Variants in UBE3C observed in about 807,000 individuals in gnomAD.
The protein encoded by UBE3C is ubiquitin protein ligase E3C.
A neutral mutation model predicts 129.4 loss-of-function variants in UBE3C; 42 were observed. The observed-to-expected ratio is 0.32, with a 90% CI of 0.25 to 0.42. The LOEUF is 0.42. Among genes scored for constraint, UBE3C ranks in the 10% least tolerant of loss-of-function variants. UBE3C has a pLI of 1.00. For missense variants in UBE3C, 1,049 were observed against 1,319.1 expected, an observed-to-expected ratio of 0.80 and a Z score of 3.17; for synonymous variants, 510 against 492.4, an observed-to-expected ratio of 1.04 and a Z score of -0.47.
intron 17 of UBE3C, among the ~76,000 whole-genome samples, chr7:157,230,694 C>CAAAAA (rs748639288): frequency 1.3e-4 from 5 of 38,838 alleles, no homozygotes; most frequent in African/African-American, 2.7e-4. Flanking sequence ...GACCCCGTCT[C>CAAAAA]AAAAAAAAAA....
At chr7:157,151,887 A>C (rs1252981273) in intron 1 of UBE3C, among the ~76,000 whole-genome samples, 4 of 152,112 alleles carry the variant, frequency 2.6e-5, no homozygotes, top group Non-Finnish European at 5.9e-5. Context: ...GGGGAGCATC[A>C]CAGTAAAGTG....
intron 21 of UBE3C, among the ~76,000 whole-genome samples, chr7:157,254,520 C>T (rs1336653571): frequency 6.6e-6 from 1 of 151,822 alleles, no homozygotes; most frequent in Non-Finnish European, 1.5e-5. Context: ...GCCTCAGCCT[C>T]CCGAATAGCT....
chr7:157,185,759 ATAG>A (rs1808787589), intron 9 of UBE3C, among the ~76,000 whole-genome samples: 1 of 152,290 alleles, frequency 6.6e-6, no homozygotes, highest in Non-Finnish European at 1.5e-5. Flanking sequence ...CACTACAAAA[ATAG>A]TAGTGCTAGG....
chr7:157,208,036 C>A (rs925183800), intron 13 of UBE3C, 101 bp downstream of exon 13: 5 of 153,356 alleles, frequency 3.3e-5, no homozygotes, highest in Non-Finnish European at 3.8e-5. Flanking sequence ...TTGTTTCAGA[C>A]ATGTTTTAAT....
At chr7:157,234,724 A>T (rs772560900) in intron 18 of UBE3C, among the ~76,000 whole-genome samples, 6 of 152,162 alleles carry the variant, frequency 3.9e-5, no homozygotes, top group Non-Finnish European at 8.8e-5. Flanking sequence ...CATCATCTTC[A>T]GGCTCACCGT....
chr7:157,196,890 A>T (rs1018573732), intron 10 of UBE3C, among the ~76,000 whole-genome samples: 1 of 152,136 alleles, frequency 6.6e-6, no homozygotes, highest in Non-Finnish European at 1.5e-5. Context: ...AATCTCTTGA[A>T]CCTGGGAGGT....
chr7:157,195,534 C>T (rs1809094605), intron 10 of UBE3C, among the ~76,000 whole-genome samples: 1 of 152,114 alleles, frequency 6.6e-6, no homozygotes, highest in South Asian at 2.1e-4. Flanking sequence ...CTGATGGCTC[C>T]TTTTTTCATC....
At chr7:157,239,159 T>A (rs1175222162) in intron 18 of UBE3C, among the ~76,000 whole-genome samples, 1 of 152,186 alleles carries the variant, frequency 6.6e-6, no homozygotes, top group Non-Finnish European at 1.5e-5. Context: ...TGTGAAAGAA[T>A]GTTTATGGTA....
intron 21 of UBE3C, among the ~76,000 whole-genome samples, chr7:157,255,052 T>C (rs1313422450): frequency 6.6e-6 from 1 of 151,984 alleles, no homozygotes; most frequent in Admixed American, 6.5e-5. Context: ...ACGGAGGTCG[T>C]GAGATCTCAG....
chr7:157,229,612 C>T (rs886126310), intron 17 of UBE3C, among the ~76,000 whole-genome samples: 5 of 149,506 alleles, frequency 3.3e-5, no homozygotes, highest in South Asian at 2.1e-4. Flanking sequence ...CCACTGCACC[C>T]GGCCTGTTTT....
chr7:157,248,843 C>T (rs1396499042), intron 19 of UBE3C, among the ~76,000 whole-genome samples: 1 of 152,154 alleles, frequency 6.6e-6, no homozygotes, highest in Non-Finnish European at 1.5e-5. Flanking sequence ...AGGCTGCGGC[C>T]CAGGCTTGCT....
intron 5 of UBE3C, among the ~76,000 whole-genome samples, chr7:157,177,437 G>T (rs1055220996): frequency 3.3e-5 from 5 of 152,214 alleles, no homozygotes; most frequent in Non-Finnish European, 7.3e-5. Flanking sequence ...ACGAGGCACC[G>T]TTCCAGCACT....
chr7:157,194,707 TG>T (rs1331881335), intron 10 of UBE3C, among the ~76,000 whole-genome samples: 1 of 152,170 alleles, frequency 6.6e-6, no homozygotes, highest in Non-Finnish European at 1.5e-5. Flanking sequence ...AATAGACTGT[TG>T]GTAGAAAATG....
Position 157,138,980 on chromosome 7 carries a change from C to A in UBE3C, c.-293C>A, listed in dbSNP as rs117506586. The A allele has an allele frequency of 1.3e-5, 2 of 152,400 alleles. No individual in the cohort carries two copies. The highest frequency in any genetic ancestry group is 2.9e-5 in the Non-Finnish European group (2 of 68,484). The allele number at this position is 152,400 out of a possible 1,614,324, so 9.4% of individuals were successfully genotyped here. Reference sequence around the variant, plus strand: ...CCTCCCGAGGCGGCAGTTCCAGGTGCAAGCGCCGGGTTTGCTGCCCGCTGG... The same window carrying A: ...CCTCCCGAGGCGGCAGTTCCAGGTGAAAGCGCCGGGTTTGCTGCCCGCTGG... On this transcript the variant is annotated 5_prime_UTR_variant, in exon 1 of 23. Coordinates refer to ENST00000348165, the MANE Select transcript of UBE3C (RefSeq NM_014671.3).
At chr7:157,178,211 G>A (rs750317882) in intron 5 of UBE3C, among the ~76,000 whole-genome samples, 10 of 152,236 alleles carry the variant, frequency 6.6e-5, no homozygotes, top group Non-Finnish European at 1.0e-4. Context: ...AAGAAGGGAA[G>A]CCTCAGTCAA....
intron 4 of UBE3C, among the ~76,000 whole-genome samples, chr7:157,172,621 A>G (rs1006854995): frequency 3.9e-5 from 6 of 152,224 alleles, no homozygotes; most frequent in African/African-American, 1.4e-4. Flanking sequence ...GAGCCAGTCT[A>G]GAGAGGCAGT....
chr7:157,239,107 A>T (rs545880586), intron 18 of UBE3C, among the ~76,000 whole-genome samples: 5 of 152,226 alleles, frequency 3.3e-5, no homozygotes, highest in African/African-American at 1.2e-4. Flanking sequence ...AAATATCCAC[A>T]TCATATCACA....
chr7:157,256,049 C>T lies in UBE3C; in HGVS notation c.2951-865C>T, dbSNP rs1459690268. On this transcript the variant is annotated intron_variant, in intron 21 of 22. Transcript: ENST00000348165. Reference sequence around the variant, plus strand: ...GTTCAGCGGCGGCTTTGAACTGCAGCACGGTTCTTCAAAATAAGGCTCCTC... The same window carrying T: ...GTTCAGCGGCGGCTTTGAACTGCAGTACGGTTCTTCAAAATAAGGCTCCTC... Among the ~76,000 whole-genome samples, 5 of 152,198 alleles carry T rather than the reference C, an allele frequency of 3.3e-5. No homozygotes were observed. The East Asian group carries it at 9.6e-4, about 29-fold the overall frequency.
intron 17 of UBE3C, among the ~76,000 whole-genome samples, chr7:157,226,373 C>T (rs1795879123): frequency 1.3e-5 from 2 of 152,104 alleles, no homozygotes; most frequent in Admixed American, 1.3e-4. Context: ...CTTGAAAGTT[C>T]GTGTGCTATT....
Sources: gnomAD v4.1 joint callset for allele counts (sites outside exome capture counted in the v4.1 genomes callset) on GRCh38, gnomAD v4.1.1 for gene constraint, MANE v1.5 for transcripts, NCBI Gene and HGNC (gene_info 2026-07-23, HGNC 2026-07-21) for gene names.